ST18: variants seen among roughly 807,000 people sequenced by gnomAD.
ST18 encodes the protein suppression of tumorigenicity 18 protein.
A neutral mutation model predicts 110.0 loss-of-function variants in ST18; 50 were observed. That is an observed-to-expected ratio of 0.45 (90% confidence interval 0.36 to 0.58). The LOEUF is 0.58. ST18 is among the 20% of genes least tolerant of loss of function. The probability of loss-of-function intolerance (pLI) is 0.00; values close to 1 mark genes in which losing one functional copy is unlikely to be tolerated. For missense variants in ST18, 1,306 were observed against 1,280.1 expected, an observed-to-expected ratio of 1.02 and a Z score of -0.31; for synonymous variants, 461 against 452.4, an observed-to-expected ratio of 1.02 and a Z score of -0.24.
intron 23 of ST18, among the ~76,000 whole-genome samples, chr8:52,120,440 G>C (rs2044244843): frequency 6.6e-6 from 1 of 152,196 alleles, no homozygotes; most frequent in Non-Finnish European, 1.5e-5. Context: ...TCTGAAGGAA[G>C]CACAAAGGGT....
chr8:52,345,621 G>A (rs555001991), intron 2 of ST18, among the ~76,000 whole-genome samples: 2 of 152,242 alleles, frequency 1.3e-5, no homozygotes, highest in South Asian at 2.1e-4. Flanking sequence ...TTCCAACCAC[G>A]CCTATAGAGG....
At chr8:52,154,036 C>T (rs867319062) in intron 15 of ST18, among the ~76,000 whole-genome samples, 2 of 152,140 alleles carry the variant, frequency 1.3e-5, no homozygotes, top group African/African-American at 2.4e-5. Flanking sequence ...TTTTTGAATA[C>T]GAAAAGAGAC....
intron 8 of ST18, among the ~76,000 whole-genome samples, chr8:52,200,506 A>G (rs1013298268): frequency 2.6e-5 from 4 of 152,180 alleles, no homozygotes; most frequent in Non-Finnish European, 5.9e-5. Context: ...GGGGCAATGA[A>G]CAGGGAAGGG....
chr8:52,209,960 G>A (rs2081580836), intron 8 of ST18: 2 of 404,404 alleles, frequency 4.9e-6, no homozygotes, highest in Non-Finnish European at 9.9e-6. Context: ...TTCTCTTCTA[G>A]GCCAATGTAC....
chr8:52,230,815 C>G (rs1359799580), intron 2 of ST18, among the ~76,000 whole-genome samples: 2 of 7,830 alleles, frequency 2.6e-4, no homozygotes, highest in African/African-American at 1.4e-3. Flanking sequence ...TGGAAAGAGG[C>G]GAACTTCACC....
chr8:52,170,265 G>A (rs1245820058), intron 10 of ST18, among the ~76,000 whole-genome samples: 2 of 152,116 alleles, frequency 1.3e-5, no homozygotes, highest in African/African-American at 2.4e-5. Context: ...AGACCAGCCC[G>A]GCCAACACGG....
intron 2 of ST18, among the ~76,000 whole-genome samples, chr8:52,361,924 GA>G (rs913374991): frequency 6.6e-6 from 1 of 151,750 alleles, no homozygotes; most frequent in African/African-American, 2.4e-5. Flanking sequence ...CTTTCAGGAT[GA>G]AACCCAATAT....
chr8:52,112,910 A>C lies in ST18; in HGVS notation c.*288T>G, dbSNP rs2040933386. ...AATAAATTATAAAAATGTCACATTTATTTTACATATACTTTACAAAAAAAA... is the reference window on the plus strand; with the variant it reads ...AATAAATTATAAAAATGTCACATTTCTTTTACATATACTTTACAAAAAAAA... On this transcript the variant is annotated 3_prime_UTR_variant, in exon 26 of 26. Transcript: ENST00000689386. The C allele has an allele frequency of 4.4e-6, 1 of 228,552 alleles. No homozygotes were observed. 14.2% of individuals were successfully genotyped at this position (228,552 alleles called of 1,614,324 possible).
chr8:52,116,553 A>T (rs1263727024), intron 24 of ST18, 135 bp from the exon 25 acceptor site: 3 of 844,068 alleles, frequency 3.6e-6, no homozygotes, highest in Admixed American at 2.9e-5. Context: ...ACTTCTCAGC[A>T]TGAAGCTGCA....
chr8:52,183,282 T>A (rs1442721624), intron 8 of ST18, among the ~76,000 whole-genome samples: 1 of 152,164 alleles, frequency 6.6e-6, no homozygotes, highest in African/African-American at 2.4e-5. Flanking sequence ...AAGAAGATAC[T>A]GAGTTGCAGC....
intron 19 of ST18, among the ~76,000 whole-genome samples, chr8:52,136,387 C>T (rs146184767): frequency 5.2e-4 from 79 of 152,200 alleles, no homozygotes; most frequent in African/African-American, 1.7e-3. Flanking sequence ...TACAAAGCCC[C>T]GGAAGCAAGC....
intron 2 of ST18, among the ~76,000 whole-genome samples, chr8:52,402,931 G>C: frequency 6.6e-6 from 1 of 152,246 alleles, no homozygotes; most frequent in East Asian, 1.9e-4. Flanking sequence ...TGCTGGGCTG[G>C]GATCCAGGAA....
Position 52,161,426 on chromosome 8 carries a change from G to C in ST18, c.1543C>G (p.Arg515Gly). 1 of 1,614,152 alleles carries C rather than the reference G, an allele frequency of 6.2e-7. No individual in the cohort carries two copies. Among genetic ancestry groups the C allele is most frequent in the Non-Finnish European group, 8.5e-7 (1 of 1,180,036 alleles). The change falls in exon 14 of 26, where the codon CGC becomes GGC. Residue 515 changes from arginine to glycine, a missense_variant. Physicochemically the swap from Arg to Gly is moderately radical, Grantham distance 125. Transcript: ENST00000689386. ...CCTTGCACTGTTTGTATGAGAGGGCGTTTACCGAAAACTTGGGCATCAAAA... is the reference window on the plus strand; with the variant it reads ...CCTTGCACTGTTTGTATGAGAGGGCCTTTACCGAAAACTTGGGCATCAAAA... ...ASFDAQVFGK[R>G]PLIQTVQGRK...
intron 2 of ST18, among the ~76,000 whole-genome samples, chr8:52,297,106 T>A (rs950177416): frequency 6.6e-6 from 1 of 152,222 alleles, no homozygotes; most frequent in South Asian, 2.1e-4. Flanking sequence ...CTGTGTGTAG[T>A]GCAGAAAGCT....
chr8:52,136,505 G>T, intron 19 of ST18, 85 bp downstream of exon 19: 1 of 1,349,570 alleles, frequency 7.4e-7, no homozygotes, highest in Non-Finnish European at 1.0e-6. Context: ...GCTTGTTGCT[G>T]ATCACTTGGG....
chr8:52,383,177 C>A (rs769362707), intron 2 of ST18, among the ~76,000 whole-genome samples: 1 of 152,092 alleles, frequency 6.6e-6, no homozygotes, highest in Admixed American at 6.6e-5. Context: ...CAGGGTTCAG[C>A]CTTCAAATTA....
intron 2 of ST18, among the ~76,000 whole-genome samples, chr8:52,321,775 T>A (rs1340767271): frequency 1.3e-5 from 2 of 152,240 alleles, no homozygotes; most frequent in African/African-American, 2.4e-5. Context: ...ATTTTAAGTA[T>A]GTTTTTTAAA....
chr8:52,281,766 C>T (rs114781468), intron 2 of ST18, among the ~76,000 whole-genome samples: 24,435 of 152,152 alleles, frequency 0.16, 2,162 homozygotes, highest in Middle Eastern at 0.28. Context: ...ATTTGGAGAC[C>T]TTTATTCTAA....
intron 2 of ST18, among the ~76,000 whole-genome samples, chr8:52,244,816 AT>A (rs2093714331): frequency 6.6e-6 from 1 of 152,232 alleles, no homozygotes; most frequent in Non-Finnish European, 1.5e-5. Flanking sequence ...AATAAAACGA[AT>A]AATCTTTACA....
Sources: gnomAD v4.1 joint callset for allele counts (sites outside exome capture counted in the v4.1 genomes callset) on GRCh38, gnomAD v4.1.1 for gene constraint, MANE v1.5 for transcripts, NCBI Gene and HGNC (gene_info 2026-07-23, HGNC 2026-07-21) for gene names.